CTNND1: variants seen among roughly 807,000 people sequenced by gnomAD.
The protein encoded by CTNND1 is catenin delta-1.
Under a neutral mutation model 112.1 loss-of-function variants are expected in CTNND1, and 16 were observed. That is an observed-to-expected ratio of 0.14 (90% confidence interval 0.10 to 0.22). The LOEUF (loss-of-function observed/expected upper bound fraction) is 0.22, where lower values mean the gene tolerates loss of function less well. Among genes scored for constraint, CTNND1 ranks in the 10% least tolerant of loss-of-function variants. CTNND1 has a pLI of 1.00. For synonymous variants in CTNND1, 420 were observed against 446.5 expected (o/e 0.94, Z 0.75); for missense variants, 1,008 against 1,257.0 (o/e 0.80, Z 3.00).
intron 6 of CTNND1, among the ~76,000 whole-genome samples, chr11:57,801,443 C>A (rs2137112303): frequency 6.6e-6 from 1 of 152,292 alleles, no homozygotes; most frequent in South Asian, 2.1e-4. Flanking sequence ...GGATTTGGTT[C>A]TTTCTTTTTG....
chr11:57,785,457 C>T (rs2060024215), intron 1 of CTNND1, among the ~76,000 whole-genome samples: 2 of 152,186 alleles, frequency 1.3e-5, no homozygotes, highest in African/African-American at 4.8e-5. Flanking sequence ...CACTTAACCT[C>T]TTAAGAATCA....
rs754613241 is a variant in CTNND1, at chr11:57,801,837, G to C, written c.1061G>C (p.Arg354Pro). 2 of 1,614,022 alleles carry C rather than the reference G, an allele frequency of 1.2e-6. No homozygotes were observed. Among genetic ancestry groups the C allele is most frequent in the Non-Finnish European group, 1.7e-6 (2 of 1,179,902 alleles). The change falls in exon 7 of 21, where the codon CGC becomes CCC. Residue 354 changes from arginine (R) to proline (P), a missense_variant. Around this residue, in one of 5 missense-constraint regions of CTNND1, gnomAD observed 216 missense variants for 342.8 expected, o/e 0.63. Transcript: ENST00000399050. ...RGSLASLDSL[R>P]KGGPPPPNWR... Reference sequence around the variant, plus strand: ...AGTTTAGCAAGCTTGGATAGCCTGCGCAAAGGAGGGCCTCCACCTCCTAAT... The same window carrying C: ...AGTTTAGCAAGCTTGGATAGCCTGCCCAAAGGAGGGCCTCCACCTCCTAAT...
At position 57,815,440 on chromosome 11, in the gene CTNND1, A is replaced by G. The variant is rs2063845711; in HGVS notation, c.2748A>G (p.Thr916=). The change falls in exon 19 of 21, where the codon ACA becomes ACG. Residue 916 remains threonine, a synonymous_variant. Coordinates refer to ENST00000399050, the MANE Select transcript of CTNND1 (RefSeq NM_001085458.2). The part of the protein sequence containing the change: ...TPNERGDHNR[T]LDRSGDLGDM... The stretch of plus-strand genomic sequence containing the variant: ...ATGAGAGAGGAGACCACAATAGAAC[A>G]CTGGATCGATCGGGGGATCTAGGCG... The G allele has an allele frequency of 6.2e-7, 1 of 1,612,284 alleles. No homozygotes were observed. The highest frequency in any genetic ancestry group is 1.3e-5 in the African/African-American group (1 of 74,810).
At chr11:57,802,270 C>T in intron 7 of CTNND1, 74 bp downstream of exon 7, 1 of 1,311,402 alleles carries the variant, frequency 7.6e-7, no homozygotes, top group Non-Finnish European at 1.1e-6. Context: ...GAGGGATTTC[C>T]AGACCTTTTA....
chr11:57,796,528 T>C lies in CTNND1; in HGVS notation c.492T>C (p.Pro164=). The C allele has an allele frequency of 2.5e-6, 4 of 1,614,016 alleles. No homozygotes were observed. The highest frequency in any genetic ancestry group is 3.4e-6 in the Non-Finnish European group (4 of 1,179,876). Residue 164 remains proline (P), a synonymous_variant, in exon 6 of 21, where the codon CCT becomes CCC. Transcript: ENST00000399050. The part of the protein sequence containing the change: ...QPVAMGPDGL[P]VDASSVSNNY... ...TCGCTATGGGACCAGACGGGTTGCC[T>C]GTGGATGCTTCATCAGTTTCTAACA...
intron 1 of CTNND1, among the ~76,000 whole-genome samples, chr11:57,765,264 G>GTC (rs1950775626): frequency 6.6e-6 from 1 of 152,044 alleles, no homozygotes; most frequent in South Asian, 2.1e-4. Flanking sequence ...TTTAGCACCT[G>GTC]TCTTAGTGTT....
Position 57,819,044 on chromosome 11 carries a change from G to C in CTNND1, c.*2736G>C, listed in dbSNP as rs1255200723. Reference sequence around the variant, plus strand: ...GACTATCTTTGCTGCAGAGATCAAGGGTTAAGATCTATGGGAAGATACTTA... The same window carrying C: ...GACTATCTTTGCTGCAGAGATCAAGCGTTAAGATCTATGGGAAGATACTTA... On this transcript the variant is annotated 3_prime_UTR_variant, in exon 21 of 21. Transcript: ENST00000399050. 1 of 152,102 alleles carries C rather than the reference G, an allele frequency of 6.6e-6. No homozygotes were observed. Among genetic ancestry groups the C allele is most frequent in the East Asian group, 1.9e-4 (1 of 5,192 alleles). 9.4% of individuals were successfully genotyped at this position (152,102 alleles called of 1,614,324 possible).
At chr11:57,798,076 C>T (rs1311316229) in intron 6 of CTNND1, among the ~76,000 whole-genome samples, 4 of 151,940 alleles carry the variant, frequency 2.6e-5, no homozygotes, top group Admixed American at 1.3e-4. Context: ...CCATTGGGCA[C>T]GGTGTCTCAC....
At chr11:57,797,697 C>T (rs1398860616) in intron 6 of CTNND1, among the ~76,000 whole-genome samples, 2 of 150,752 alleles carry the variant, frequency 1.3e-5, no homozygotes, top group Non-Finnish European at 3.0e-5. Flanking sequence ...ACAAAATTAG[C>T]TGGGCGTAGT....
chr11:57,815,339 G>A (rs917768449), intron 18 of CTNND1, 55 bp from the exon 19 acceptor site: 10 of 1,069,092 alleles, frequency 9.4e-6, no homozygotes, highest in South Asian at 9.3e-5. Context: ...TTTGATATAC[G>A]TTTTACACTA....
In CTNND1 at chr11:57,801,928, C is replaced by T. The variant is rs112713987; in HGVS notation, c.1152C>T (p.Ser384=). ...GATTCCGCTTGGATGCTGTCAAGTC[C>T]AATGCAGCTGCATACCTGCAACACT... The part of the protein sequence containing the change: ...MLGFRLDAVK[S]NAAAYLQHLC... The change falls in exon 7 of 21, where the codon TCC becomes TCT. Residue 384 remains serine (S), a synonymous_variant. Coordinates refer to ENST00000399050, the MANE Select transcript of CTNND1 (RefSeq NM_001085458.2). 209 of 1,614,016 alleles carry T rather than the reference C, an allele frequency of 1.3e-4. 1 individual carries two copies. In the African/African-American group the frequency reaches 2.1e-3, roughly 16 times the overall value.
At chr11:57,783,457 AG>A (rs1324100698) in intron 1 of CTNND1, among the ~76,000 whole-genome samples, 1 of 152,158 alleles carries the variant, frequency 6.6e-6, no homozygotes, top group Admixed American at 6.5e-5. Context: ...CAGGAGATCG[AG>A]ACCATCCTGG....
chr11:57,810,816 G>A (rs908511571), intron 16 of CTNND1, among the ~76,000 whole-genome samples: 6 of 151,978 alleles, frequency 3.9e-5, no homozygotes, highest in Non-Finnish European at 5.9e-5. Flanking sequence ...AAGTAGCCAG[G>A]CGTGGTGTTG....
chr11:57,783,128 A>G (rs2059755099), intron 1 of CTNND1, among the ~76,000 whole-genome samples: 1 of 152,138 alleles, frequency 6.6e-6, no homozygotes, highest in South Asian at 2.1e-4. Flanking sequence ...TCTACTAAAA[A>G]TACAAAAATT....
intron 1 of CTNND1, among the ~76,000 whole-genome samples, chr11:57,766,974 CTTTT>C (rs779955741): frequency 7.1e-6 from 1 of 140,082 alleles, no homozygotes; most frequent in Non-Finnish European, 1.6e-5. Context: ...ATTTTCTTAT[CTTTT>C]TTTTTTTTTT....
intron 18 of CTNND1, 59 bp downstream of exon 18, chr11:57,814,432 T>TA: frequency 1.1e-5 from 15 of 1,318,494 alleles, no homozygotes; most frequent in Middle Eastern, 1.8e-4. Context: ...TAAGGAGAGC[T>TA]GTCTAGCTCT....
Position 57,794,099 on chromosome 11 carries a change from G to T in CTNND1, c.267+18G>T, listed in dbSNP as rs373862115. 1.9e-5 allele frequency: 31 copies of T among 1,610,594 alleles called. No individual in the cohort carries two copies. In the African/African-American group the frequency reaches 2.9e-4, roughly 15 times the overall value. ...GACCCCAGGTAATTCTTTGGCTCAA[G>T]ACCTGGGTTGCTTCATTCATATTTT... On this transcript the variant is annotated intron_variant, in intron 4 of 20. Transcript: ENST00000399050.
chr11:57,806,404 C>T (rs1451497736), intron 10 of CTNND1, 57 bp from the exon 11 acceptor site: 1 of 1,488,438 alleles, frequency 6.7e-7, no homozygotes, highest in African/African-American at 1.4e-5. Context: ...CTTTCTCCTG[C>T]ATTTTTCTTA....
intron 2 of CTNND1, among the ~76,000 whole-genome samples, chr11:57,790,639 G>A (rs1351425974): frequency 7.2e-6 from 1 of 139,540 alleles, no homozygotes; most frequent in Non-Finnish European, 1.5e-5. Flanking sequence ...CTCACTGTAA[G>A]CTCCACCTCC....
Sources: allele counts gnomAD v4.1 joint callset (sites outside exome capture counted in the v4.1 genomes callset), GRCh38; gene constraint gnomAD v4.1.1; regional missense constraint gnomAD v4.1.1; transcripts MANE v1.5; gene names NCBI Gene and HGNC (gene_info 2026-07-23, HGNC 2026-07-21).